Variants in CHD6 observed in about 807,000 individuals in gnomAD.
CHD6 encodes the protein chromodomain helicase DNA binding protein 6.
A neutral mutation model predicts 276.9 loss-of-function variants in CHD6; 50 were observed. That is an observed-to-expected ratio of 0.18 (90% confidence interval 0.14 to 0.23). The LOEUF is 0.23. Among genes scored for constraint, CHD6 ranks in the 10% least tolerant of loss-of-function variants. CHD6 has a pLI of 1.00. For synonymous variants in CHD6, 1,173 were observed against 1,229.3 expected (o/e 0.95, Z 0.96); for missense variants, 2,564 against 3,365.8 (o/e 0.76, Z 5.89).
chr20:41,456,022 T>C (rs747697995), intron 18 of CHD6, 43 bp from the exon 19 acceptor site: 21 of 1,458,738 alleles, frequency 1.4e-5, no homozygotes, highest in Non-Finnish European at 1.6e-5. Context: ...GGAAAATGTA[T>C]AGGAGAAAAA....
At position 41,473,424 on chromosome 20, in the gene CHD6, G is replaced by T. The variant is rs1410360337; in HGVS notation, c.2562C>A (p.Val854=). 3 of 1,614,010 alleles carry T rather than the reference G, an allele frequency of 1.9e-6. No homozygotes were observed. Among genetic ancestry groups the T allele is most frequent in the Admixed American group, 1.7e-5 (1 of 59,998 alleles). ...CTCCCGCTCTGGTGCACAGAAGAAA[G>T]ACAAAGCGGTCTGAATCTGGCTTAC... ...RFCKPDSDRF[V]FLLCTRAGGL... The change falls in exon 17 of 37, where the codon GTC becomes GTA. Residue 854 remains valine (V), a synonymous_variant. Coordinates refer to ENST00000373233, the MANE Select transcript of CHD6 (RefSeq NM_032221.5). This position sits in a 1 kb window ranked among gnomAD's most constrained non-coding sequence, Gnocchi z 4.1.
At chr20:41,427,713 T>C (rs772296203) in intron 27 of CHD6, among the ~76,000 whole-genome samples, 2 of 152,220 alleles carry the variant, frequency 1.3e-5, no homozygotes, top group African/African-American at 2.4e-5. Context: ...TGTCTCCTGT[T>C]ATCTAATGTT....
At chr20:41,511,392 C>T (rs1238763157) in intron 5 of CHD6, among the ~76,000 whole-genome samples, 2 of 152,176 alleles carry the variant, frequency 1.3e-5, no homozygotes, top group Non-Finnish European at 2.9e-5. Context: ...TTCATTTCTT[C>T]TCTATAAGCT....
intron 20 of CHD6, among the ~76,000 whole-genome samples, chr20:41,453,231 C>A (rs373227731): frequency 3.3e-5 from 5 of 152,096 alleles, no homozygotes; most frequent in African/African-American, 4.8e-5. Flanking sequence ...AGGCCCCCCC[C>A]CAGTGACCAA....
rs952869144 is a variant in CHD6 at position 41,450,618 on chromosome 20, C to A, written c.3683+328G>T. On this transcript the variant is annotated intron_variant, in intron 23 of 36. Coordinates refer to ENST00000373233, the MANE Select transcript of CHD6 (RefSeq NM_032221.5). ...CTGAGAGTGGCAGCGACCAAGGCCA[C>A]AATGTTCTGCCCTTGTTAATGTGAC... Among the ~76,000 whole-genome samples, 5 of 152,284 alleles carry A rather than the reference C, an allele frequency of 3.3e-5. No individual in the cohort carries two copies. The East Asian group carries it at 9.6e-4, about 29-fold the overall frequency.
In CHD6 at chr20:41,415,228, G is replaced by C; in HGVS notation, c.6897C>G (p.Asp2299Glu). The change falls in exon 34 of 37, where the codon GAC becomes GAG. Residue 2299 changes from aspartate (D) to glutamate (E), a missense_variant. Asp to Glu is a conservative substitution (Grantham distance 45). Transcript: ENST00000373233. ...GRRKHVEGGM[D>E]LIFLKEQTLQ... The stretch of plus-strand genomic sequence containing the variant: ...GTGTCTGCTCCTTCAAAAAGATGAG[G>C]TCCATCCCTCCTTCAACATGTTTCC... The C allele has an allele frequency of 3.1e-6, 5 of 1,614,014 alleles. No individual in the cohort carries two copies. The highest frequency in any genetic ancestry group is 4.2e-6 in the Non-Finnish European group (5 of 1,179,988).
At chr20:41,436,732 C>A (rs1455972491) in intron 27 of CHD6, among the ~76,000 whole-genome samples, 1 of 152,126 alleles carries the variant, frequency 6.6e-6, no homozygotes, top group African/African-American at 2.4e-5. Context: ...TCCCAGGGAA[C>A]TTTTCTGCAT....
chr20:41,505,535 G>A lies in CHD6; in HGVS notation c.853-6178C>T, dbSNP rs773982854. Among the ~76,000 whole-genome samples the A allele has an allele frequency of 3.9e-5, 6 of 152,130 alleles. No individual in the cohort carries two copies. The East Asian group carries it at 7.7e-4, about 20-fold the overall frequency. On this transcript the variant is annotated intron_variant, in intron 5 of 36. Transcript: ENST00000373233. The stretch of plus-strand genomic sequence containing the variant: ...CCAGAGAAGAAAACAGCCAGCCATC[G>A]TCAGCCCACCTCCGGATGACTCTTA...
intron 1 of CHD6, among the ~76,000 whole-genome samples, chr20:41,574,061 G>T (rs987974409): frequency 6.6e-6 from 1 of 151,320 alleles, no homozygotes; most frequent in African/African-American, 2.4e-5. Context: ...CTAAATGCAG[G>T]TCGGCAATGC....
At position 41,420,499 on chromosome 20, in the gene CHD6, ATACTG is replaced by A; in HGVS notation, c.6127+4_6127+8del. 1 of 1,602,224 alleles carries A rather than the reference ATACTG, an allele frequency of 6.2e-7. No homozygotes were observed. Among genetic ancestry groups the A allele is most frequent in the Non-Finnish European group, 8.5e-7 (1 of 1,176,532 alleles). On this transcript the variant is annotated splice_donor_5th_base_variant and intron_variant, in intron 31 of 36. Transcript: ENST00000373233. ...TATCCAAAATGCCACAAGATCCTACATACTGTACCTTGACTATGGCAGTTTCCGTC... is the reference window on the plus strand; with the variant it reads ...TATCCAAAATGCCACAAGATCCTACATACCTTGACTATGGCAGTTTCCGTC...
At chr20:41,611,260 C>T (rs1255872252) in intron 1 of CHD6, among the ~76,000 whole-genome samples, 1 of 152,178 alleles carries the variant, frequency 6.6e-6, no homozygotes, top group African/African-American at 2.4e-5. Flanking sequence ...AGAAAAAAAT[C>T]CACCTTTGCT....
chr20:41,552,253 TTTG>T (rs2045158025), intron 1 of CHD6, among the ~76,000 whole-genome samples: 1 of 152,222 alleles, frequency 6.6e-6, no homozygotes, highest in Admixed American at 6.5e-5. Context: ...CTTCCTATTT[TTTG>T]TTGACTTTGA....
At chr20:41,586,575 C>G (rs566166260) in intron 1 of CHD6, among the ~76,000 whole-genome samples, 3 of 152,258 alleles carry the variant, frequency 2.0e-5, no homozygotes, top group Non-Finnish European at 4.4e-5. Flanking sequence ...ATCTTGGGAG[C>G]GGCCCACCAC....
At chr20:41,584,661 A>G (rs568545432) in intron 1 of CHD6, among the ~76,000 whole-genome samples, 89 of 152,336 alleles carry the variant, frequency 5.8e-4, no homozygotes, top group Middle Eastern at 3.4e-3. Context: ...TAACAGAAAG[A>G]TATCAGGAAA....
In CHD6 at chr20:41,452,577, G is replaced by A. The variant is rs2048270830; in HGVS notation, c.3323+163C>T. Among the ~76,000 whole-genome samples the A allele has an allele frequency of 6.6e-6, 1 of 152,130 alleles. No homozygotes were observed. Among genetic ancestry groups the A allele is most frequent in the African/African-American group, 2.4e-5 (1 of 41,440 alleles). On this transcript the variant is annotated intron_variant, in intron 21 of 36. Coordinates refer to ENST00000373233, the MANE Select transcript of CHD6 (RefSeq NM_032221.5). The surrounding 1 kb of genome is among the most constrained non-coding windows in gnomAD (Gnocchi z 4.2). Reference sequence around the variant, plus strand: ...TTGCGGAGCATACGGTGACTGAGACGGATTCTGGGCAGAAGGCACAGTTCT... The same window carrying A: ...TTGCGGAGCATACGGTGACTGAGACAGATTCTGGGCAGAAGGCACAGTTCT...
At chr20:41,594,845 G>A (rs1449391141) in intron 1 of CHD6, among the ~76,000 whole-genome samples, 1 of 152,214 alleles carries the variant, frequency 6.6e-6, no homozygotes, top group Non-Finnish European at 1.5e-5. Context: ...CCCAATGGGG[G>A]AAAGGACACA....
At chr20:41,550,662 C>T (rs2045131584) in intron 2 of CHD6, among the ~76,000 whole-genome samples, 1 of 152,188 alleles carries the variant, frequency 6.6e-6, no homozygotes, top group Non-Finnish European at 1.5e-5. Context: ...ACCAGCCCAA[C>T]AGAAATAGCC....
intron 36 of CHD6, among the ~76,000 whole-genome samples, chr20:41,409,619 G>A (rs1457949239): frequency 6.6e-6 from 1 of 152,100 alleles, no homozygotes; most frequent in Non-Finnish European, 1.5e-5. Flanking sequence ...GACAAAATGC[G>A]ACGTGTGGCT....
intron 1 of CHD6, among the ~76,000 whole-genome samples, chr20:41,598,120 CAA>C (rs2045737521): frequency 6.6e-6 from 1 of 152,122 alleles, no homozygotes; most frequent in African/African-American, 2.4e-5. Flanking sequence ...CAATTGCCAG[CAA>C]AACTAATGTA....
Sources: gnomAD v4.1 joint callset for allele counts (sites outside exome capture counted in the v4.1 genomes callset) on GRCh38, gnomAD v4.1.1 for gene constraint, Gnocchi (gnomAD v3.1) non-coding constraint, MANE v1.5 for transcripts, NCBI Gene and HGNC (gene_info 2026-07-23, HGNC 2026-07-21) for gene names.